The following FMN2 variants were observed in gnomAD, a reference collection of about 807,000 sequenced individuals.
FMN2 encodes formin 2, also known as formin-2.
Under a neutral mutation model 142.3 loss-of-function variants are expected in FMN2, and 51 were observed. The observed-to-expected ratio is 0.36, with a 90% confidence interval of 0.29 to 0.45. FMN2 has a LOEUF of 0.45. Among genes scored for constraint, FMN2 ranks in the 20% least tolerant of loss-of-function variants. The pLI, the probability that FMN2 is intolerant of heterozygous loss-of-function variation, is 1.00. For missense variants in FMN2, 1,936 were observed against 2,122.8 expected (o/e 0.91, Z 1.73); for synonymous variants, 882 against 869.8 (o/e 1.01, Z -0.25).
At chr1:240,297,113 G>A (rs893082281) in intron 8 of FMN2, among the ~76,000 whole-genome samples, 1 of 152,088 alleles carries the variant, frequency 6.6e-6, no homozygotes, top group African/African-American at 2.4e-5. Context: ...ATGTTGGTGT[G>A]TGTGTATCTA....
chr1:240,161,044 C>T (rs1664254264), intron 2 of FMN2, among the ~76,000 whole-genome samples: 1 of 152,024 alleles, frequency 6.6e-6, no homozygotes, highest in Non-Finnish European at 1.5e-5. Context: ...TATGCAGAAG[C>T]CTAATAAACT....
chr1:240,244,940 A>G (rs1353089180), intron 6 of FMN2, among the ~76,000 whole-genome samples: 1 of 152,238 alleles, frequency 6.6e-6, no homozygotes, highest in Admixed American at 6.5e-5. Flanking sequence ...TGCTTACAAT[A>G]TATCAATCAT....
Position 240,093,369 on chromosome 1 carries a change from G to A in FMN2, c.1260G>A (p.Lys420=). ...CGCTCATCACCCCCTGCTACATCAA[G>A]ACCACCACCCGGCAGCTCAGCTCGC... is the stretch of plus-strand genomic sequence containing the variant. ...PYPLITPCYI[K]TTTRQLSSPN... is the part of the protein sequence containing the mutation. Residue 420 remains lysine, a synonymous_variant, in exon 1 of 18, where the codon AAG becomes AAA. Transcript: ENST00000319653. 1 of 1,612,968 alleles carries A rather than the reference G, an allele frequency of 6.2e-7. No individual in the cohort carries two copies. Among genetic ancestry groups the A allele is most frequent in the South Asian group, 1.1e-5 (1 of 90,992 alleles).
At chr1:240,413,046 C>G (rs1674452239) in intron 15 of FMN2, among the ~76,000 whole-genome samples, 1 of 131,124 alleles carries the variant, frequency 7.6e-6, no homozygotes, top group Non-Finnish European at 1.5e-5. Context: ...TGGTGTGAAC[C>G]TGGGAGGTAG....
chr1:240,153,538 A>AT (rs1297416245), intron 2 of FMN2, among the ~76,000 whole-genome samples: 3 of 151,464 alleles, frequency 2.0e-5, no homozygotes, highest in South Asian at 2.1e-4. Flanking sequence ...TTATTTATTT[A>AT]TTTTTTTGTA....
At chr1:240,272,502 G>C (rs528930172) in intron 7 of FMN2, among the ~76,000 whole-genome samples, 2 of 152,144 alleles carry the variant, frequency 1.3e-5, no homozygotes, top group African/African-American at 2.4e-5. Context: ...AGTTCTTTGT[G>C]TTTTGACAAG....
chr1:240,199,616 C>T (rs1371796195), intron 4 of FMN2, among the ~76,000 whole-genome samples: 1 of 152,106 alleles, frequency 6.6e-6, no homozygotes, highest in Admixed American at 6.6e-5. Context: ...CATCACCACC[C>T]ACATATAAGA....
intron 15 of FMN2, among the ~76,000 whole-genome samples, chr1:240,393,601 A>G (rs1298616767): frequency 6.6e-6 from 1 of 152,220 alleles, no homozygotes; most frequent in African/African-American, 2.4e-5. Flanking sequence ...TCACTTTAAA[A>G]CAAAAGCTAG....
chr1:240,279,264 A>G (rs899151874), intron 7 of FMN2, among the ~76,000 whole-genome samples: 2 of 151,580 alleles, frequency 1.3e-5, no homozygotes, highest in East Asian at 3.9e-4. Context: ...TTCTTTAATG[A>G]AAAAAAAATT....
intron 14 of FMN2, among the ~76,000 whole-genome samples, chr1:240,357,310 A>G (rs1672303798): frequency 6.6e-6 from 1 of 152,194 alleles, no homozygotes; most frequent in African/African-American, 2.4e-5. Flanking sequence ...TGGTCACATT[A>G]TATGTGATTT....
intron 15 of FMN2, among the ~76,000 whole-genome samples, chr1:240,411,205 A>C (rs2103125331): frequency 6.6e-6 from 1 of 152,322 alleles, no homozygotes; most frequent in African/African-American, 2.4e-5. Context: ...CTCCTACTTG[A>C]AAATTATTTT....
chr1:240,301,354 C>T (rs1168677297), intron 8 of FMN2, among the ~76,000 whole-genome samples: 6 of 151,544 alleles, frequency 4.0e-5, no homozygotes, highest in South Asian at 4.2e-4. Flanking sequence ...TTTGTTGTGA[C>T]GTGAGTAGCA....
At chr1:240,209,862 C>T (rs1303180903) in intron 5 of FMN2, among the ~76,000 whole-genome samples, 1 of 151,866 alleles carries the variant, frequency 6.6e-6, no homozygotes, top group East Asian at 2.0e-4. Flanking sequence ...CGAGATCGCG[C>T]CACTGCACTC....
At chr1:240,232,881 A>T (rs770996088) in intron 6 of FMN2, among the ~76,000 whole-genome samples, 5 of 151,946 alleles carry the variant, frequency 3.3e-5, no homozygotes, top group Admixed American at 6.6e-5. Flanking sequence ...TCACATCCTT[A>T]CTGTTTTTCT....
chr1:240,248,767 G>T (rs566166695), intron 6 of FMN2, among the ~76,000 whole-genome samples: 229 of 151,610 alleles, frequency 1.5e-3, no homozygotes, highest in African/African-American at 5.3e-3. Context: ...ATTTTAACTG[G>T]GTAAGATAAT....
chr1:240,127,750 G>T (rs1322665923), intron 2 of FMN2, among the ~76,000 whole-genome samples: 1 of 152,132 alleles, frequency 6.6e-6, no homozygotes, highest in Admixed American at 6.6e-5. Flanking sequence ...AAAATGCTGG[G>T]ATTATAGACA....
chr1:240,415,769 CCGAG>C (rs1308424289), intron 15 of FMN2, among the ~76,000 whole-genome samples: 3 of 152,142 alleles, frequency 2.0e-5, no homozygotes, highest in Non-Finnish European at 4.4e-5. Context: ...TAAGTATTTA[CCGAG>C]TGATTCATAT....
intron 7 of FMN2, among the ~76,000 whole-genome samples, chr1:240,261,351 CT>C (rs397983486): frequency 2.7e-4 from 40 of 145,560 alleles, no homozygotes; most frequent in South Asian, 6.5e-4. Flanking sequence ...TTAACCAGTA[CT>C]TTTTTTTTTT....
intron 7 of FMN2, among the ~76,000 whole-genome samples, chr1:240,272,409 G>A (rs1003745793): frequency 5.3e-5 from 8 of 152,120 alleles, no homozygotes; most frequent in East Asian, 1.9e-4. Flanking sequence ...GAGAGGGGTC[G>A]GATTGGCACT....
Sources: gnomAD v4.1 joint callset for allele counts (sites outside exome capture counted in the v4.1 genomes callset) on GRCh38, gnomAD v4.1.1 for gene constraint, MANE v1.5 for transcripts, NCBI Gene and HGNC (gene_info 2026-07-23, HGNC 2026-07-21) for gene names.